TM4SF20: variants seen among roughly 807,000 people sequenced by gnomAD.
TM4SF20 encodes the protein transmembrane 4 L six family member 20, also known as transmembrane 4 L6 family member 20.
A neutral mutation model predicts 15.1 loss-of-function variants in TM4SF20; 13 were observed. The observed-to-expected ratio is 0.86, with a 90% CI of 0.56 to 1.36. The LOEUF is 1.36. Among genes scored for constraint, TM4SF20 ranks in the 40% most tolerant of loss-of-function variants. TM4SF20 has a pLI of 0.00. For missense variants in TM4SF20, 282 were observed against 268.4 expected (o/e 1.05, Z -0.35); for synonymous variants, 92 against 96.6 (o/e 0.95, Z 0.28).
chr2:227,364,841 G>T lies in TM4SF20; in HGVS notation c.402-829C>A, dbSNP rs1472660628. Among the ~76,000 whole-genome samples the T allele has an allele frequency of 1.2e-4, 18 of 152,166 alleles. 1 individual carries two copies. Among genetic ancestry groups the T allele is most frequent in the Admixed American group, 1.2e-3 (18 of 15,274 alleles). On this transcript the variant is annotated intron_variant, in intron 3 of 3. Coordinates refer to ENST00000304568, the MANE Select transcript of TM4SF20 (RefSeq NM_024795.4). ...TTGTGGGCTGTTGTCATTCCCTGGGGATTTAATGTGCATAGCATCTGTGGT... is the reference window on the plus strand; with the variant it reads ...TTGTGGGCTGTTGTCATTCCCTGGGTATTTAATGTGCATAGCATCTGTGGT...
chr2:227,367,996 A>G (rs1227010027), intron 2 of TM4SF20, among the ~76,000 whole-genome samples: 2 of 148,576 alleles, frequency 1.3e-5, no homozygotes, highest in Non-Finnish European at 3.0e-5. Flanking sequence ...AAGAAGTGCC[A>G]TGGTGTTTAT....
chr2:227,369,045 T>A (rs1029493050), intron 2 of TM4SF20, among the ~76,000 whole-genome samples: 1 of 152,244 alleles, frequency 6.6e-6, no homozygotes, highest in African/African-American at 2.4e-5. Flanking sequence ...GTCAAGAATG[T>A]TGTGAACACC....
intron 2 of TM4SF20, among the ~76,000 whole-genome samples, chr2:227,368,646 G>A (rs565874842): frequency 4.6e-5 from 7 of 152,122 alleles, no homozygotes; most frequent in South Asian, 2.1e-4. Context: ...GATTGCAGGC[G>A]TGAGCCACCG....
rs1479503661 is a variant in TM4SF20, at chr2:227,362,261, CTT to C, written c.*1461_*1462del. On this transcript the variant is annotated 3_prime_UTR_variant, in exon 4 of 4. Coordinates refer to ENST00000304568, the MANE Select transcript of TM4SF20 (RefSeq NM_024795.4). ...CATATAGAAAATAGCTTTTGAAAGTCTTGGGTTTTTCTAGGTATTGTTTTTTA... is the reference window on the plus strand; with the variant it reads ...CATATAGAAAATAGCTTTTGAAAGTCGGGTTTTTCTAGGTATTGTTTTTTA... The C allele has an allele frequency of 6.6e-6, 1 of 151,996 alleles. No homozygotes were observed. Among genetic ancestry groups the C allele is most frequent in the Non-Finnish European group, 1.5e-5 (1 of 68,004 alleles). 9.4% of individuals were successfully genotyped at this position (151,996 alleles called of 1,614,324 possible). A position where few individuals can be genotyped will look rare whatever the true frequency, so the allele number is the denominator to read the frequency against.
intron 1 of TM4SF20, among the ~76,000 whole-genome samples, chr2:227,376,609 G>A (rs2076451803): frequency 6.6e-6 from 1 of 152,230 alleles, no homozygotes; most frequent in Non-Finnish European, 1.5e-5. Context: ...GGGTGATAAA[G>A]TAAACTTAGC....
intron 1 of TM4SF20, among the ~76,000 whole-genome samples, chr2:227,378,712 G>A (rs1382325165): frequency 6.6e-6 from 1 of 152,128 alleles, no homozygotes; most frequent in Non-Finnish European, 1.5e-5. Context: ...CACTCCTATT[G>A]CATTTTCTGT....
intron 2 of TM4SF20, among the ~76,000 whole-genome samples, chr2:227,369,930 G>C (rs1369310064): frequency 2.0e-5 from 3 of 152,134 alleles, no homozygotes; most frequent in African/African-American, 7.2e-5. Flanking sequence ...TGCTACACTG[G>C]CAAATTATTT....
chr2:227,379,125 A>G lies in TM4SF20; in HGVS notation c.144T>C (p.Phe48=), dbSNP rs2076466144. The stretch of plus-strand genomic sequence containing the variant: ...CTATAATTCCTGGGAACCACCACTC[A>G]AAGCAAGAGATGGGGTTTTGAGAAA... The part of the protein sequence containing the change: ...DQFSQNPISC[F]EWWFPGIIGA... Residue 48 remains phenylalanine, a synonymous_variant, in exon 1 of 4, where the codon TTT becomes TTC. Transcript: ENST00000304568. 2 of 1,614,212 alleles carry G rather than the reference A, an allele frequency of 1.2e-6. No individual in the cohort carries two copies. The highest frequency in any genetic ancestry group is 1.7e-6 in the Non-Finnish European group (2 of 1,180,032).
intron 2 of TM4SF20, among the ~76,000 whole-genome samples, chr2:227,368,423 T>A (rs527430146): frequency 1.1e-4 from 17 of 150,094 alleles, no homozygotes; most frequent in Middle Eastern, 3.5e-3. Flanking sequence ...CTATCTGGGC[T>A]CACTGTAACC....
rs1560006840 is a variant in TM4SF20 at position 227,374,711 on chromosome 2, G to A, written c.184-3731C>T. 2.0e-5 allele frequency among the ~76,000 whole-genome samples: 3 copies of A among 152,080 alleles called. No homozygotes were observed. The South Asian group carries it at 6.2e-4, about 32-fold the overall frequency. On this transcript the variant is annotated intron_variant, in intron 1 of 3. Transcript: ENST00000304568. ...AAAACTTCAGACCATTAAAAATCCT[G>A]TGATGAAATTCAGACTTTTGGGAGT...
At chr2:227,364,242 T>G (rs2106487368) in intron 3 of TM4SF20, among the ~76,000 whole-genome samples, 1 of 152,348 alleles carries the variant, frequency 6.6e-6, no homozygotes, top group South Asian at 2.1e-4. Flanking sequence ...ACATCTTCTC[T>G]TAGGTTGAAC....
intron 3 of TM4SF20, among the ~76,000 whole-genome samples, chr2:227,365,126 A>T (rs149518329): frequency 0.032 from 4,817 of 152,260 alleles, 140 homozygotes; most frequent in Admixed American, 0.044. Flanking sequence ...GACCAGGCTG[A>T]TCTCAAACTC....
intron 1 of TM4SF20, 91 bp from the exon 2 acceptor site, chr2:227,371,071 T>A: frequency 8.7e-7 from 1 of 1,148,978 alleles, no homozygotes; most frequent in Non-Finnish European, 1.3e-6. Context: ...CCACCAGTTG[T>A]GGGAAATCAA....
chr2:227,378,982 C>T, intron 1 of TM4SF20, 104 bp downstream of exon 1: 1 of 1,162,044 alleles, frequency 8.6e-7, no homozygotes. Flanking sequence ...CAAATTTTAT[C>T]ATAAGCCAAG....
At chr2:227,366,427 C>A (rs2076393252) in intron 2 of TM4SF20, among the ~76,000 whole-genome samples, 183 bp from the exon 3 acceptor site, 1 of 151,888 alleles carries the variant, frequency 6.6e-6, no homozygotes, top group African/African-American at 2.4e-5. Context: ...TTTGATTACA[C>A]TCAATAAAAG....
chr2:227,364,710 C>T (rs13428297), intron 3 of TM4SF20, among the ~76,000 whole-genome samples: 3,626 of 152,190 alleles, frequency 0.024, 145 homozygotes, highest in African/African-American at 0.082. Context: ...GTGTAGCAAG[C>T]CAAGGATCAC....
chr2:227,368,713 G>A (rs1315554720), intron 2 of TM4SF20, among the ~76,000 whole-genome samples: 1 of 152,172 alleles, frequency 6.6e-6, no homozygotes, highest in Non-Finnish European at 1.5e-5. Flanking sequence ...GCTTTAGAAA[G>A]TGATTCCAGG....
intron 2 of TM4SF20, among the ~76,000 whole-genome samples, chr2:227,367,363 G>T (rs1158141185): frequency 6.6e-6 from 1 of 152,168 alleles, no homozygotes; most frequent in African/African-American, 2.4e-5. Flanking sequence ...ATGAAAGTTC[G>T]TGTTTGTTTT....
intron 1 of TM4SF20, among the ~76,000 whole-genome samples, chr2:227,375,108 G>T (rs1420002869): frequency 6.6e-6 from 1 of 151,388 alleles, no homozygotes; most frequent in African/African-American, 2.4e-5. Context: ...TGTATTTTTT[G>T]ATAGAAACGG....
Sources: allele counts gnomAD v4.1 joint callset (sites outside exome capture counted in the v4.1 genomes callset), GRCh38; gene constraint gnomAD v4.1.1; transcripts MANE v1.5; gene names NCBI Gene and HGNC (gene_info 2026-07-23, HGNC 2026-07-21).